PLD5: variants seen among roughly 807,000 people sequenced by gnomAD.
The protein encoded by PLD5 is inactive phospholipase D5.
PLD5 carries 36 observed loss-of-function variants against 61.1 expected under a neutral mutation model. That is an observed-to-expected ratio of 0.59 (90% CI 0.45 to 0.78). PLD5 has a LOEUF of 0.78. Among genes scored for constraint, PLD5 ranks in the 30% least tolerant of loss-of-function variants. The pLI, the probability that PLD5 is intolerant of heterozygous loss-of-function variation, is 0.00. For synonymous variants in PLD5, 243 were observed against 242.8 expected (o/e 1.00, Z -0.01); for missense variants, 515 against 644.4 (o/e 0.80, Z 2.17).
At chr1:242,334,576 C>T (rs1659392928) in intron 2 of PLD5, among the ~76,000 whole-genome samples, 1 of 152,114 alleles carries the variant, frequency 6.6e-6, no homozygotes, top group African/African-American at 2.4e-5. Flanking sequence ...CTCATCGCAG[C>T]AGCCCTGACT....
At chr1:242,357,725 G>A (rs1043579100) in intron 1 of PLD5, among the ~76,000 whole-genome samples, 9 of 152,024 alleles carry the variant, frequency 5.9e-5, no homozygotes, top group Admixed American at 2.0e-4. Context: ...AACCTCAGGT[G>A]ATTCATCTGC....
intron 2 of PLD5, among the ~76,000 whole-genome samples, chr1:242,336,523 G>T (rs1192654496): frequency 6.6e-6 from 1 of 152,118 alleles, no homozygotes; most frequent in African/African-American, 2.4e-5. Flanking sequence ...GAAAAAAATC[G>T]TTCATGGTAC....
intron 5 of PLD5, among the ~76,000 whole-genome samples, chr1:242,145,426 T>C (rs371081590): frequency 6.6e-6 from 1 of 152,138 alleles, no homozygotes; most frequent in Non-Finnish European, 1.5e-5. Context: ...GTACCTAGTA[T>C]GTCGTGGATG....
At chr1:242,233,785 C>A (rs1671464140) in intron 4 of PLD5, among the ~76,000 whole-genome samples, 1 of 152,060 alleles carries the variant, frequency 6.6e-6, no homozygotes. Flanking sequence ...CAAACAGCCC[C>A]CCTCTAGCTG....
intron 9 of PLD5, among the ~76,000 whole-genome samples, chr1:242,100,299 A>G (rs1034852611): frequency 6.6e-6 from 1 of 152,186 alleles, no homozygotes. Flanking sequence ...CCCATCACTC[A>G]TGTCAGGCTG....
rs1674875741 is a variant in PLD5, at chr1:242,284,118, CCTTTTTTTT to C, written c.495+4235_495+4243del. On this transcript the variant is annotated intron_variant, in intron 3 of 9. Transcript: ENST00000536534. The stretch of plus-strand genomic sequence containing the variant: ...CTCTAAAAATAATCTTTTTCTTTTT[CCTTTTTTTT>C]TTTTTTTTTTTTTTTTTTTTTTTAT... Among the ~76,000 whole-genome samples, 6 of 110,342 alleles carry C rather than the reference CCTTTTTTTT, an allele frequency of 5.4e-5. 1 individual carries two copies. In the South Asian group the frequency reaches 1.9e-3, roughly 35 times the overall value. The allele number at this position is 110,342 out of a possible 152,430, so 72.4% of individuals were successfully genotyped here.
chr1:242,447,556 TC>T (rs1261229665), intron 1 of PLD5, among the ~76,000 whole-genome samples: 1 of 152,250 alleles, frequency 6.6e-6, no homozygotes, highest in Non-Finnish European at 1.5e-5. Flanking sequence ...TTAGTGTCTG[TC>T]ATTAAGAAGA....
intron 1 of PLD5, among the ~76,000 whole-genome samples, chr1:242,439,554 T>C (rs1666176702): frequency 6.6e-6 from 1 of 152,130 alleles, no homozygotes; most frequent in South Asian, 2.1e-4. Flanking sequence ...TAGCGGTCCA[T>C]AAATATCTAC....
At chr1:242,392,118 C>T (rs996813472) in intron 1 of PLD5, among the ~76,000 whole-genome samples, 1 of 152,142 alleles carries the variant, frequency 6.6e-6, no homozygotes, top group Non-Finnish European at 1.5e-5. Flanking sequence ...AACATGGAAG[C>T]AGCTGGAAGC....
At chr1:242,317,707 T>C (rs1426277871) in intron 2 of PLD5, among the ~76,000 whole-genome samples, 2 of 149,964 alleles carry the variant, frequency 1.3e-5, no homozygotes, top group Non-Finnish European at 3.0e-5. Context: ...AAGAAATAGG[T>C]TCATAGCTAA....
chr1:242,387,172 T>C (rs1662648321), intron 1 of PLD5, among the ~76,000 whole-genome samples: 2 of 152,220 alleles, frequency 1.3e-5, no homozygotes, highest in African/African-American at 2.4e-5. Flanking sequence ...CTTAATTTCA[T>C]TCTCACCAAA....
chr1:242,524,043 G>A (rs1323551532), intron 1 of PLD5, 45 bp downstream of exon 1: 1 of 1,511,428 alleles, frequency 6.6e-7, no homozygotes, highest in South Asian at 1.2e-5. Flanking sequence ...GAGGGTGCAT[G>A]CGGCAGGTGC....
At chr1:242,118,317 C>T (rs983165569) in intron 6 of PLD5, among the ~76,000 whole-genome samples, 1 of 152,186 alleles carries the variant, frequency 6.6e-6, no homozygotes, top group Admixed American at 6.5e-5. Context: ...GGCTGGGTTC[C>T]ATGCCCCTCT....
intron 1 of PLD5, among the ~76,000 whole-genome samples, chr1:242,522,135 T>C (rs1471410666): frequency 2.6e-5 from 4 of 152,260 alleles, no homozygotes; most frequent in Non-Finnish European, 2.9e-5. Flanking sequence ...AACATCAGAA[T>C]AGATATATGC....
chr1:242,126,853 A>G lies in PLD5; in HGVS notation c.736-2188T>C, dbSNP rs1662822879. ...AGAGCTTTTGCATGGCAAAAGGAAC[A>G]GTCAGCAGAATAAACAGACAACTCA... On this transcript the variant is annotated intron_variant, in intron 5 of 9. Transcript: ENST00000536534. 1.3e-5 allele frequency among the ~76,000 whole-genome samples: 2 copies of G among 152,368 alleles called. 1 individual carries two copies. The highest frequency in any genetic ancestry group is 4.1e-4 in the South Asian group (2 of 4,834).
chr1:242,481,108 T>C (rs1191701196), intron 1 of PLD5, among the ~76,000 whole-genome samples: 1 of 152,132 alleles, frequency 6.6e-6, no homozygotes, highest in Non-Finnish European at 1.5e-5. Context: ...TAGGAACTGC[T>C]CCAGTGTACA....
At chr1:242,522,669 T>C (rs766424452) in intron 1 of PLD5, among the ~76,000 whole-genome samples, 8 of 152,212 alleles carry the variant, frequency 5.3e-5, no homozygotes, top group Non-Finnish European at 1.0e-4. Flanking sequence ...GCTCTTTGCA[T>C]GTAATGCATA....
At chr1:242,300,952 G>A (rs568366522) in intron 2 of PLD5, among the ~76,000 whole-genome samples, 39 of 152,292 alleles carry the variant, frequency 2.6e-4, no homozygotes, top group South Asian at 6.2e-4. Context: ...TCCTAATGCC[G>A]TCTTCCAGGT....
At chr1:242,267,433 TAG>T (rs1673753911) in intron 3 of PLD5, among the ~76,000 whole-genome samples, 1 of 152,162 alleles carries the variant, frequency 6.6e-6, no homozygotes, top group Admixed American at 6.5e-5. Flanking sequence ...GGCTTCCTTT[TAG>T]TTTAAACAAG....
Sources: gnomAD v4.1 joint callset for allele counts (sites outside exome capture counted in the v4.1 genomes callset) on GRCh38, gnomAD v4.1.1 for gene constraint, MANE v1.5 for transcripts, NCBI Gene and HGNC (gene_info 2026-07-23, HGNC 2026-07-21) for gene names.